The following ZNF732 variants were observed in gnomAD, a reference collection of about 807,000 sequenced individuals.
The protein encoded by ZNF732 is zinc finger protein LOC654254.
In ZNF732, 12 loss-of-function variants were observed where a neutral mutation model predicts 11.5. The ratio of observed to expected loss-of-function variants is 1.05; its 90% CI spans 0.67 to 1.70. The LOEUF (loss-of-function observed/expected upper bound fraction) is 1.70, where lower values mean the gene tolerates loss of function less well. Among genes scored for constraint, ZNF732 ranks in the 40% most tolerant of loss-of-function variants. The pLI is 0.00. For synonymous variants in ZNF732, 231 were observed against 236.5 expected, an observed-to-expected ratio of 0.98 and a Z score of 0.21; for missense variants, 702 against 676.9, an observed-to-expected ratio of 1.04 and a Z score of -0.41.
chr4:283,268 A>T (rs7665727), intron 3 of ZNF732, among the ~76,000 whole-genome samples: 20,721 of 152,152 alleles, frequency 0.14, 1,853 homozygotes, highest in Admixed American at 0.24. Flanking sequence ...TCTATTCTTT[A>T]TAAATTACCA....
chr4:273,389 T>C (rs578098725), intron 3 of ZNF732, among the ~76,000 whole-genome samples: 1 of 152,132 alleles, frequency 6.6e-6, no homozygotes, highest in South Asian at 2.1e-4. Flanking sequence ...GCAAATATTA[T>C]AATGTATACA....
At chr4:284,095 T>A (rs1719676292) in intron 3 of ZNF732, among the ~76,000 whole-genome samples, 1 of 152,118 alleles carries the variant, frequency 6.6e-6, no homozygotes, top group Admixed American at 6.5e-5. Context: ...GTATTTTTAG[T>A]AGAGACAAGG....
rs190868994 is a variant in ZNF732, at chr4:292,822, G to A, written c.226+2616C>T. Among the ~76,000 whole-genome samples the A allele has an allele frequency of 6.7e-3, 975 of 144,876 alleles. 5 individuals are homozygous for A. Among genetic ancestry groups the A allele is most frequent in the Non-Finnish European group, 0.01 (681 of 67,034 alleles). On this transcript the variant is annotated intron_variant, in intron 3 of 3. Transcript: ENST00000419098. ...AACACTTTGGGAGGCTCAGGTGGGC[G>A]GATCACGAGCTCAGGAGATCGAGAC...
At chr4:292,932 G>C (rs1229627861) in intron 3 of ZNF732, among the ~76,000 whole-genome samples, 6 of 145,980 alleles carry the variant, frequency 4.1e-5, no homozygotes, top group African/African-American at 1.5e-4. Context: ...GCCAGGCGTG[G>C]TGTTAGGTAC....
chr4:279,282 C>T (rs1415628565), intron 3 of ZNF732, among the ~76,000 whole-genome samples: 3 of 151,574 alleles, frequency 2.0e-5, no homozygotes, highest in Admixed American at 6.6e-5. Context: ...ACTAAAAATA[C>T]AAAAACAAAA....
At chr4:298,391 T>C (rs989108197) in intron 1 of ZNF732, among the ~76,000 whole-genome samples, 1 of 151,822 alleles carries the variant, frequency 6.6e-6, no homozygotes, top group Non-Finnish European at 1.5e-5. Flanking sequence ...ATGGATTAGT[T>C]TGAGTCTCCG....
At chr4:294,678 C>A (rs969881395) in intron 3 of ZNF732, among the ~76,000 whole-genome samples, 2 of 152,068 alleles carry the variant, frequency 1.3e-5, no homozygotes, top group Non-Finnish European at 2.9e-5. Flanking sequence ...TATTCACGAA[C>A]CTTTTTCTTT....
intron 3 of ZNF732, among the ~76,000 whole-genome samples, chr4:293,233 G>GGTGTGT (rs199884660): frequency 7.6e-6 from 1 of 131,894 alleles, no homozygotes; most frequent in African/African-American, 3.2e-5. Context: ...GCCAAAATAT[G>GGTGTGT]GTGTGTGTGT....
At position 272,537 on chromosome 4, in the gene ZNF732, C is replaced by G; in HGVS notation, c.320G>C (p.Gly107Ala). Residue 107 changes from glycine to alanine, a missense_variant, in exon 4 of 4, where the codon GGA (glycine) becomes GCA (alanine). Physicochemically the swap from Gly to Ala is moderately conservative, Grantham distance 60. Around this residue, in one of 3 missense-constraint regions of ZNF732, gnomAD observed 596 missense variants for 557.9 expected, o/e 1.07. Coordinates refer to ENST00000419098, the MANE Select transcript of ZNF732 (RefSeq NM_001137608.3). Reference protein sequence around the residue: ...KLILRRYEKCGHENLELRKSC... With the variant: ...KLILRRYEKCAHENLELRKSC... Reference sequence around the variant, plus strand: ...TTTTCTTAATTCTAAATTCTCATGTCCACATTTCTCATATCTTCTTAATAT... The same window carrying G: ...TTTTCTTAATTCTAAATTCTCATGTGCACATTTCTCATATCTTCTTAATAT... The G allele has an allele frequency of 6.2e-7, 1 of 1,603,376 alleles. No homozygotes were observed. The highest frequency in any genetic ancestry group is 8.5e-7 in the Non-Finnish European group (1 of 1,174,730).
chr4:294,113 G>A lies in ZNF732; in HGVS notation c.226+1325C>T, dbSNP rs190345773. Among the ~76,000 whole-genome samples the A allele has an allele frequency of 2.2e-4, 33 of 152,116 alleles. No homozygotes were observed. The East Asian group carries it at 3.1e-3, about 14-fold the overall frequency. Reference sequence around the variant, plus strand: ...GCCTCCCAGGTTCAAGTGATTCTCCGGCCTCAGCCTCCCAAGTAGCTGGAT... The same window carrying A: ...GCCTCCCAGGTTCAAGTGATTCTCCAGCCTCAGCCTCCCAAGTAGCTGGAT... On this transcript the variant is annotated intron_variant, in intron 3 of 3. Coordinates refer to ENST00000419098, the MANE Select transcript of ZNF732 (RefSeq NM_001137608.3).
At chr4:304,954 C>T (rs1469871380) in intron 1 of ZNF732, among the ~76,000 whole-genome samples, 1 of 152,210 alleles carries the variant, frequency 6.6e-6, no homozygotes, top group African/African-American at 2.4e-5. Context: ...GATAGGGCCT[C>T]GATCTTATTC....
rs1719687521 is a variant in ZNF732, at chr4:284,546, T to C, written c.226+10892A>G. ...AATGTTAGGATAATAAAGAAAATAA[T>C]AAAAAACAGAACAGAAACAAATTAG... On this transcript the variant is annotated intron_variant, in intron 3 of 3. Coordinates refer to ENST00000419098, the MANE Select transcript of ZNF732 (RefSeq NM_001137608.3). Among the ~76,000 whole-genome samples, 3 of 151,466 alleles carry C rather than the reference T, an allele frequency of 2.0e-5. No individual in the cohort carries two copies. The South Asian group carries it at 6.2e-4, about 31-fold the overall frequency.
chr4:286,000 G>A (rs2108656183), intron 3 of ZNF732, among the ~76,000 whole-genome samples: 1 of 152,354 alleles, frequency 6.6e-6, no homozygotes, highest in South Asian at 2.1e-4. Flanking sequence ...TTCTTCCTCA[G>A]CAGAGAAAGA....
At chr4:297,814 ATCTCC>A (rs1454990884) in intron 1 of ZNF732, among the ~76,000 whole-genome samples, 16 of 152,238 alleles carry the variant, frequency 1.1e-4, no homozygotes, top group Admixed American at 1.0e-3. Flanking sequence ...CCAAACTCTG[ATCTCC>A]TCTAAGCAGT....
intron 1 of ZNF732, among the ~76,000 whole-genome samples, chr4:298,180 C>T (rs797030117): frequency 6.6e-6 from 1 of 152,090 alleles, no homozygotes; most frequent in Non-Finnish European, 1.5e-5. Flanking sequence ...GTGGTGGCAT[C>T]AAAACTCACA....
At chr4:294,980 T>A (rs1031248177) in intron 3 of ZNF732, among the ~76,000 whole-genome samples, 63 of 152,166 alleles carry the variant, frequency 4.1e-4, no homozygotes, top group African/African-American at 1.5e-3. Context: ...GGATTAAAAA[T>A]CACTAAGCAG....
At chr4:297,851 G>A (rs1232204633) in intron 1 of ZNF732, among the ~76,000 whole-genome samples, 1 of 152,144 alleles carries the variant, frequency 6.6e-6, no homozygotes, top group Non-Finnish European at 1.5e-5. Context: ...TCAGTGTGGG[G>A]TCAGACCTGG....
chr4:271,954 G>C lies in ZNF732; in HGVS notation c.903C>G (p.Thr301=). 6.2e-7 allele frequency: 1 copy of C among 1,605,424 alleles called. No homozygotes were observed. Among genetic ancestry groups the C allele is most frequent in the Non-Finnish European group, 8.5e-7 (1 of 1,175,894 alleles). The change falls in exon 4 of 4, where the codon ACC becomes ACG. Residue 301 remains threonine, a synonymous_variant. Transcript: ENST00000419098. ...CCTGACATTTGTAGAGTTTCTCTCC[G>C]GTATGAATTTTCTTATGTTTGGCAA... The part of the protein sequence containing the change: ...SNVAKHKKIH[T]GEKLYKCQEC...
At chr4:272,663 C>G in intron 3 of ZNF732, 33 bp from the exon 4 acceptor site, 4 of 1,457,118 alleles carry the variant, frequency 2.7e-6, no homozygotes, top group Non-Finnish European at 3.6e-6. Context: ...ATCCTGCTTA[C>G]TAGATTCATA....
Sources: gnomAD v4.1 joint callset for allele counts (sites outside exome capture counted in the v4.1 genomes callset) on GRCh38, gnomAD v4.1.1 for gene constraint, gnomAD v4.1.1 regional missense constraint, MANE v1.5 for transcripts, NCBI Gene and HGNC (gene_info 2026-07-23, HGNC 2026-07-21) for gene names.